UNC13C: variants seen among roughly 807,000 people sequenced by gnomAD.
The protein encoded by UNC13C is protein unc-13 homolog C.
In UNC13C, 174 loss-of-function variants were observed where a neutral mutation model predicts 245.4. The observed-to-expected ratio is 0.71, with a 90% CI of 0.63 to 0.80. UNC13C has a LOEUF of 0.80. Ranked by LOEUF, UNC13C falls within the 30% of genes least tolerant of loss-of-function variation. The pLI is 0.00. For missense variants in UNC13C, 2,829 were observed against 2,602.9 expected, an observed-to-expected ratio of 1.09 and a Z score of -1.89; for synonymous variants, 992 against 895.1, an observed-to-expected ratio of 1.11 and a Z score of -1.93.
intron 17 of UNC13C, among the ~76,000 whole-genome samples, chr15:54,366,117 A>G (rs1185545483): frequency 6.6e-6 from 1 of 152,196 alleles, no homozygotes; most frequent in East Asian, 1.9e-4. Context: ...TTTAAATTAC[A>G]GCATCTCTCT....
the UNC13C span, among the ~76,000 whole-genome samples, chr15:53,907,617 C>G: frequency 9.6e-4 from 146 of 152,122 alleles, 1 homozygote; most frequent in African/African-American, 3.4e-3. Context: ...GATAATAATG[C>G]TATTATTAAA....
At chr15:53,894,801 T>A in the UNC13C span, among the ~76,000 whole-genome samples, 1 of 152,208 alleles carries the variant, frequency 6.6e-6, no homozygotes, top group Non-Finnish European at 1.5e-5. Flanking sequence ...GTAAAACTTT[T>A]ATTATAGCAA....
the UNC13C span, among the ~76,000 whole-genome samples, chr15:53,920,431 G>A: frequency 6.6e-6 from 1 of 152,120 alleles, no homozygotes; most frequent in Admixed American, 6.5e-5. Flanking sequence ...GTGTGTGCCT[G>A]TAATCTCAGC....
In UNC13C at chr15:54,014,043, C is replaced by T. The variant is rs777989512; in HGVS notation, c.1140C>T (p.Tyr380=). Residue 380 remains tyrosine, a synonymous_variant, in exon 2 of 33, where the codon TAC becomes TAT. Coordinates refer to ENST00000260323, the MANE Select transcript of UNC13C (RefSeq NM_001080534.3). ...PNAKPRPILV[Y]FETPQQRDSV... is the part of the protein sequence containing the mutation. Reference sequence around the variant, plus strand: ...CAAAGCCTCGACCCATACTTGTGTACTTTGAAACCCCTCAACAAAGGGATT... The same window carrying T: ...CAAAGCCTCGACCCATACTTGTGTATTTTGAAACCCCTCAACAAAGGGATT... 6 of 1,613,786 alleles carry T rather than the reference C, an allele frequency of 3.7e-6. No individual in the cohort carries two copies. Among genetic ancestry groups the T allele is most frequent in the Non-Finnish European group, 5.1e-6 (6 of 1,179,844 alleles).
chr15:54,111,748 AT>A (rs1002003426), intron 2 of UNC13C, among the ~76,000 whole-genome samples: 1 of 152,150 alleles, frequency 6.6e-6, no homozygotes, highest in Non-Finnish European at 1.5e-5. Context: ...AAGCCTAAGA[AT>A]TTTTTAGGGT....
intron 2 of UNC13C, among the ~76,000 whole-genome samples, chr15:54,134,270 C>CA (rs563469127): frequency 0.099 from 2,772 of 28,050 alleles, 68 homozygotes; most frequent in East Asian, 0.34. Flanking sequence ...TTTATGAGTT[C>CA]AGTTTTTTTT....
chr15:53,838,226 A>T, the UNC13C span, among the ~76,000 whole-genome samples: 3 of 152,038 alleles, frequency 2.0e-5, no homozygotes, highest in Admixed American at 6.6e-5. Context: ...TCCATCATTT[A>T]TGTCTCCCTT....
chr15:53,990,497 C>T (rs1006622272), intron 1 of UNC13C, among the ~76,000 whole-genome samples: 1 of 152,036 alleles, frequency 6.6e-6, no homozygotes, highest in Non-Finnish European at 1.5e-5. Context: ...TGGAGTTACA[C>T]TGAAGTGCTG....
At chr15:53,850,559 C>T in the UNC13C span, among the ~76,000 whole-genome samples, 3 of 152,072 alleles carry the variant, frequency 2.0e-5, no homozygotes, top group African/African-American at 7.2e-5. Context: ...TGCAATCATT[C>T]CTTGTTGCAC....
At chr15:54,354,295 T>A (rs2039046482) in intron 17 of UNC13C, among the ~76,000 whole-genome samples, 1 of 152,246 alleles carries the variant, frequency 6.6e-6, no homozygotes, top group South Asian at 2.1e-4. Flanking sequence ...CTTTATTCCA[T>A]CAATACTTGC....
intron 8 of UNC13C, among the ~76,000 whole-genome samples, chr15:54,263,959 G>A (rs1415234782): frequency 1.3e-5 from 2 of 152,018 alleles, no homozygotes; most frequent in African/African-American, 2.4e-5. Context: ...ATCATAGGAG[G>A]TCAATTTACC....
chr15:53,869,782 T>A, the UNC13C span, among the ~76,000 whole-genome samples: 1 of 152,088 alleles, frequency 6.6e-6, no homozygotes, highest in African/African-American at 2.4e-5. Context: ...ATGACAAAGG[T>A]CTTGAGTAAA....
the UNC13C span, among the ~76,000 whole-genome samples, chr15:53,919,784 C>T: frequency 6.6e-6 from 1 of 152,152 alleles, no homozygotes; most frequent in African/African-American, 2.4e-5. Flanking sequence ...CAACATATAA[C>T]ATGCTATAGG....
At chr15:54,553,190 T>C (rs1337084139) in intron 28 of UNC13C, among the ~76,000 whole-genome samples, 26 of 115,030 alleles carry the variant, frequency 2.3e-4, no homozygotes, top group Non-Finnish European at 6.5e-5. Context: ...CAATATATAT[T>C]ATATACTGTA....
intron 19 of UNC13C, among the ~76,000 whole-genome samples, chr15:54,449,876 GCT>G (rs1382315574): frequency 2.0e-5 from 3 of 152,144 alleles, no homozygotes; most frequent in African/African-American, 4.8e-5. Flanking sequence ...CAGTTTTTCT[GCT>G]CTGTTTTTTC....
chr15:54,560,599 A>G (rs914626245), intron 29 of UNC13C, among the ~76,000 whole-genome samples: 6 of 151,986 alleles, frequency 3.9e-5, no homozygotes, highest in Non-Finnish European at 8.8e-5. Context: ...GCTCCTTATC[A>G]CACATCCTGA....
chr15:54,108,587 C>T (rs576986265), intron 2 of UNC13C, among the ~76,000 whole-genome samples: 24 of 152,212 alleles, frequency 1.6e-4, no homozygotes, highest in Admixed American at 3.3e-4. Context: ...TTTGAATTTC[C>T]AGTGTCAAAT....
intron 4 of UNC13C, among the ~76,000 whole-genome samples, chr15:54,187,000 C>T (rs1265567385): frequency 6.6e-6 from 1 of 151,846 alleles, no homozygotes; most frequent in East Asian, 1.9e-4. Context: ...TGGCACATGT[C>T]ACCATGCCTG....
intron 19 of UNC13C, among the ~76,000 whole-genome samples, chr15:54,452,093 G>C (rs1891213264): frequency 1.3e-5 from 2 of 152,236 alleles, no homozygotes; most frequent in South Asian, 4.1e-4. Flanking sequence ...AGTGGAGACT[G>C]TGGCGAAGCT....
Sources: allele counts gnomAD v4.1 joint callset (sites outside exome capture counted in the v4.1 genomes callset), GRCh38; gene constraint gnomAD v4.1.1; transcripts MANE v1.5; gene names NCBI Gene and HGNC (gene_info 2026-07-23, HGNC 2026-07-21).